The following ASTN2 variants were observed in gnomAD, a reference collection of about 807,000 sequenced individuals.
ASTN2 encodes astrotactin 2.
ASTN2 carries 54 observed loss-of-function variants against 139.8 expected under a neutral mutation model. That is an observed-to-expected ratio of 0.39 (90% CI 0.31 to 0.48). The LOEUF (loss-of-function observed/expected upper bound fraction) is 0.48, where lower values mean the gene tolerates loss of function less well. Among genes scored for constraint, ASTN2 ranks in the 20% least tolerant of loss-of-function variants. The pLI is 0.95. For missense variants in ASTN2, 1,565 were observed against 1,725.1 expected, an observed-to-expected ratio of 0.91 and a Z score of 1.64; for synonymous variants, 756 against 719.5, an observed-to-expected ratio of 1.05 and a Z score of -0.81.
chr9:116,550,289 T>G (rs1852284574), intron 19 of ASTN2, among the ~76,000 whole-genome samples: 1 of 152,234 alleles, frequency 6.6e-6, no homozygotes, highest in Non-Finnish European at 1.5e-5. Context: ...ACCTGCTATC[T>G]GTCTGCTTCA....
At chr9:116,993,853 G>GATATATAT (rs61556942) in intron 7 of ASTN2, among the ~76,000 whole-genome samples, 9,811 of 131,734 alleles carry the variant, frequency 0.074, 425 homozygotes, top group Admixed American at 0.12. Flanking sequence ...GTATGTACAT[G>GATATATAT]ATATATATAT....
chr9:116,669,847 C>T (rs1040880243), intron 16 of ASTN2, among the ~76,000 whole-genome samples: 5 of 151,104 alleles, frequency 3.3e-5, no homozygotes, highest in African/African-American at 1.2e-4. Flanking sequence ...GCTCTGTCAC[C>T]CAGTCTGGAA....
At chr9:117,055,301 G>A (rs1223579939) in intron 5 of ASTN2, among the ~76,000 whole-genome samples, 5 of 152,180 alleles carry the variant, frequency 3.3e-5, no homozygotes, top group Non-Finnish European at 7.3e-5. Flanking sequence ...ATCCCAAAGC[G>A]TGAACCATTA....
intron 17 of ASTN2, among the ~76,000 whole-genome samples, chr9:116,622,058 T>C (rs1010779996): frequency 1.3e-5 from 2 of 152,244 alleles, no homozygotes; most frequent in Non-Finnish European, 2.9e-5. Context: ...TTTCATGTTT[T>C]TTACTTTTGA....
chr9:117,378,817 A>G (rs927971298), intron 1 of ASTN2, among the ~76,000 whole-genome samples: 9 of 152,184 alleles, frequency 5.9e-5, no homozygotes, highest in African/African-American at 2.2e-4. Context: ...AATCTCTTCA[A>G]CTGTAATCCT....
chr9:116,802,767 T>C (rs943319410), intron 13 of ASTN2, among the ~76,000 whole-genome samples: 1 of 152,244 alleles, frequency 6.6e-6, no homozygotes, highest in Non-Finnish European at 1.5e-5. Context: ...ATTATGCTTC[T>C]CATGGGTGGG....
intron 6 of ASTN2, among the ~76,000 whole-genome samples, chr9:117,025,116 A>G (rs1055834153): frequency 2.0e-5 from 3 of 152,110 alleles, no homozygotes; most frequent in Non-Finnish European, 2.9e-5. Context: ...AGAACAGACT[A>G]ATACAAGCGG....
At chr9:116,916,435 G>A (rs571461792) in intron 10 of ASTN2, among the ~76,000 whole-genome samples, 3 of 152,208 alleles carry the variant, frequency 2.0e-5, no homozygotes, top group Non-Finnish European at 4.4e-5. Context: ...TCAGAAAGGT[G>A]TAAACAGCTT....
chr9:117,322,932 C>T (rs1389613884), intron 1 of ASTN2, among the ~76,000 whole-genome samples: 3 of 152,140 alleles, frequency 2.0e-5, no homozygotes, highest in African/African-American at 4.8e-5. Context: ...GTAATGGGGA[C>T]CTTCGGGGCT....
chr9:117,198,584 T>C (rs1399170083), intron 3 of ASTN2, among the ~76,000 whole-genome samples: 1 of 152,198 alleles, frequency 6.6e-6, no homozygotes, highest in East Asian at 1.9e-4. Context: ...CTATTACAAA[T>C]AGTGCTGCAA....
intron 5 of ASTN2, among the ~76,000 whole-genome samples, chr9:117,074,654 GCTACAGGGA>G (rs1373639475): frequency 3.9e-5 from 6 of 152,198 alleles, no homozygotes; most frequent in African/African-American, 1.4e-4. Context: ...AGTGGCTGCA[GCTACAGGGA>G]CCACAGTAGC....
At chr9:117,144,664 T>G (rs992211160) in intron 3 of ASTN2, among the ~76,000 whole-genome samples, 57 of 4,352 alleles carry the variant, frequency 0.013, no homozygotes, top group African/African-American at 0.018. Flanking sequence ...ACACTAGTTT[T>G]TTTTTTTTTT....
chr9:116,867,479 G>A (rs1833044355), intron 10 of ASTN2, among the ~76,000 whole-genome samples: 1 of 150,758 alleles, frequency 6.6e-6, no homozygotes, highest in East Asian at 2.0e-4. Flanking sequence ...GAACCCGGGA[G>A]GCGGAGCTTG....
intron 1 of ASTN2, among the ~76,000 whole-genome samples, chr9:117,373,755 G>T (rs1225094945): frequency 6.6e-6 from 1 of 152,134 alleles, no homozygotes; most frequent in Non-Finnish European, 1.5e-5. Context: ...AAAAAGAAAA[G>T]AAAAGAAATG....
intron 10 of ASTN2, among the ~76,000 whole-genome samples, chr9:116,878,548 CA>C (rs1185812119): frequency 5.9e-5 from 9 of 152,004 alleles, no homozygotes; most frequent in Admixed American, 3.9e-4. Context: ...TGGGGCCTAT[CA>C]GGGGGCTGGG....
At chr9:116,735,974 T>C (rs980361988) in intron 13 of ASTN2, among the ~76,000 whole-genome samples, 1 of 152,190 alleles carries the variant, frequency 6.6e-6, no homozygotes, top group Admixed American at 6.5e-5. Context: ...CCAGACACAA[T>C]TGGCAGTACT....
chr9:117,012,809 C>G (rs1280452260), intron 6 of ASTN2, among the ~76,000 whole-genome samples: 1 of 152,274 alleles, frequency 6.6e-6, no homozygotes, highest in East Asian at 1.9e-4. Context: ...TACTCTTAAT[C>G]TCTTTATTAT....
chr9:116,737,840 A>C (rs950957773), intron 13 of ASTN2, among the ~76,000 whole-genome samples: 18 of 152,202 alleles, frequency 1.2e-4, no homozygotes, highest in Non-Finnish European at 1.3e-4. Flanking sequence ...CAAAGGCATA[A>C]GAGTGATATA....
At chr9:117,148,962 C>T (rs1830264600) in intron 3 of ASTN2, among the ~76,000 whole-genome samples, 1 of 151,910 alleles carries the variant, frequency 6.6e-6, no homozygotes, top group Non-Finnish European at 1.5e-5. Flanking sequence ...TGGAACTTGC[C>T]AGCCTCCACA....
Sources: allele counts gnomAD v4.1 joint callset (sites outside exome capture counted in the v4.1 genomes callset), GRCh38; gene constraint gnomAD v4.1.1; transcripts MANE v1.5; gene names NCBI Gene and HGNC (gene_info 2026-07-23, HGNC 2026-07-21).